The following PDE4D variants were observed in gnomAD, a reference collection of about 807,000 sequenced individuals.
PDE4D encodes phosphodiesterase 4D, also known as 3',5'-cyclic-AMP phosphodiesterase 4D.
Under a neutral mutation model 87.4 loss-of-function variants are expected in PDE4D, and 24 were observed. The observed-to-expected ratio is 0.27, with a 90% CI of 0.20 to 0.39. The LOEUF (loss-of-function observed/expected upper bound fraction) is 0.39. PDE4D is among the 10% of genes least tolerant of loss of function. The pLI is 1.00. For synonymous variants in PDE4D, 384 were observed against 383.2 expected (o/e 1.00, Z -0.02); for missense variants, 714 against 1,041.0 (o/e 0.69, Z 4.32).
At chr5:59,490,940 C>T (rs183420783) in intron 1 of PDE4D, among the ~76,000 whole-genome samples, 2 of 152,106 alleles carry the variant, frequency 1.3e-5, no homozygotes, top group Admixed American at 1.3e-4. Context: ...ATGAGTTCCA[C>T]GATCCACGTA....
chr5:59,435,467 A>C (rs1179253255), intron 1 of PDE4D, among the ~76,000 whole-genome samples: 1 of 152,186 alleles, frequency 6.6e-6, no homozygotes, highest in Non-Finnish European at 1.5e-5. Context: ...CTCTGGCAAG[A>C]ACATTTTTCT....
At chr5:60,348,257 AATGATTCT>A (rs1758895917) in intron 1 of PDE4D, among the ~76,000 whole-genome samples, 1 of 152,080 alleles carries the variant, frequency 6.6e-6, no homozygotes. Flanking sequence ...AACACTCAGC[AATGATTCT>A]ATGATTCCTT....
intron 2 of PDE4D, among the ~76,000 whole-genome samples, chr5:60,011,262 T>C (rs1764995943): frequency 2.0e-5 from 3 of 152,138 alleles, no homozygotes; most frequent in Non-Finnish European, 2.9e-5. Flanking sequence ...AGAAAGGGCA[T>C]GTTCTGCTGA....
intron 2 of PDE4D, among the ~76,000 whole-genome samples, chr5:60,144,386 T>C (rs986905373): frequency 6.6e-6 from 1 of 152,160 alleles, no homozygotes; most frequent in Non-Finnish European, 1.5e-5. Flanking sequence ...AGCATTTCTT[T>C]CTATTGCTCA....
chr5:59,750,225 C>T (rs1023935315), intron 1 of PDE4D, among the ~76,000 whole-genome samples: 3 of 151,844 alleles, frequency 2.0e-5, no homozygotes, highest in African/African-American at 4.8e-5. Context: ...ACACAGGAGC[C>T]GGGATGATTC....
At chr5:60,333,542 G>A (rs1381413224) in intron 1 of PDE4D, among the ~76,000 whole-genome samples, 1 of 152,148 alleles carries the variant, frequency 6.6e-6, no homozygotes, top group Non-Finnish European at 1.5e-5. Context: ...AGGCTCAGAA[G>A]GTTCCAAATA....
chr5:59,064,833 T>C (rs1580606160), intron 5 of PDE4D, among the ~76,000 whole-genome samples: 1 of 152,072 alleles, frequency 6.6e-6, no homozygotes, highest in African/African-American at 2.4e-5. Context: ...ATAGCCTGAC[T>C]TCCAAAAGTA....
intron 3 of PDE4D, among the ~76,000 whole-genome samples, chr5:59,982,366 G>A (rs10044523): frequency 0.36 from 54,195 of 151,960 alleles, 11,279 homozygotes; most frequent in East Asian, 0.73. Context: ...GCAATGAAAT[G>A]TAAGTAGAGA....
intron 1 of PDE4D, among the ~76,000 whole-genome samples, chr5:59,655,496 A>T (rs1354194025): frequency 6.6e-6 from 1 of 152,238 alleles, no homozygotes; most frequent in Non-Finnish European, 1.5e-5. Context: ...AATATTTTAC[A>T]TCCTTGTAAT....
rs569589933 is a variant in PDE4D at position 60,121,582 on chromosome 5, C to T, written c.42+63975G>A. On this transcript the variant is annotated intron_variant, in intron 2 of 16. Coordinates refer to the PDE4D transcript ENST00000502484. ...CATCAGATCTTGTGAGACTTATTCA[C>T]GACCACGAGAACAGTGTGGAGGAAA... Among the ~76,000 whole-genome samples the T allele has an allele frequency of 2.2e-4, 34 of 152,206 alleles. No individual in the cohort carries two copies. The East Asian group carries it at 4.5e-3, about 20-fold the overall frequency.
chr5:60,257,176 CAAAGAAAGAA>C (rs1368018456), intron 1 of PDE4D, among the ~76,000 whole-genome samples: 8 of 119,358 alleles, frequency 6.7e-5, no homozygotes, highest in Non-Finnish European at 1.0e-4. Flanking sequence ...ATTATAGAGT[CAAAGAAAGAA>C]AAAGAAAGAA....
At chr5:59,540,756 A>G (rs1816191998) in intron 1 of PDE4D, among the ~76,000 whole-genome samples, 1 of 152,210 alleles carries the variant, frequency 6.6e-6, no homozygotes, top group African/African-American at 2.4e-5. Flanking sequence ...GATATGAGTA[A>G]GAAATCTTCT....
Position 59,076,433 on chromosome 5 carries a change from T to C in PDE4D, c.809-37462A>G, listed in dbSNP as rs1765690596. On this transcript the variant is annotated intron_variant, in intron 5 of 14. Transcript: ENST00000340635. ...ATACTGGCTATTATACTACGTGAAGTCTTCAGTGACAAAGAGAGAAACAGA... is the reference window on the plus strand; with the variant it reads ...ATACTGGCTATTATACTACGTGAAGCCTTCAGTGACAAAGAGAGAAACAGA... Among the ~76,000 whole-genome samples, 3 of 152,136 alleles carry C rather than the reference T, an allele frequency of 2.0e-5. No individual in the cohort carries two copies. In the South Asian group the frequency reaches 6.2e-4, roughly 31 times the overall value.
intron 1 of PDE4D, among the ~76,000 whole-genome samples, chr5:59,774,175 A>T (rs1763849490): frequency 6.6e-6 from 1 of 152,204 alleles, no homozygotes. Context: ...AACAATATAT[A>T]AAGAGATTTA....
chr5:60,384,009 A>T, intron 1 of PDE4D, among the ~76,000 whole-genome samples: 1 of 152,218 alleles, frequency 6.6e-6, no homozygotes, highest in Non-Finnish European at 1.5e-5. Flanking sequence ...CTTAACCACA[A>T]ATAACTAAAT....
chr5:60,437,759 G>A (rs1322123216), intron 1 of PDE4D, among the ~76,000 whole-genome samples: 1 of 152,104 alleles, frequency 6.6e-6, no homozygotes, highest in Non-Finnish European at 1.5e-5. Context: ...CTTCCATGGT[G>A]AAAGTCTTTC....
At chr5:60,450,679 A>G (rs966150561) in intron 1 of PDE4D, among the ~76,000 whole-genome samples, 5 of 152,146 alleles carry the variant, frequency 3.3e-5, no homozygotes, top group African/African-American at 9.7e-5. Context: ...TACTTCTTCT[A>G]TCTCCCATGA....
At chr5:60,006,661 G>C (rs1444450739) in intron 2 of PDE4D, among the ~76,000 whole-genome samples, 1 of 151,884 alleles carries the variant, frequency 6.6e-6, no homozygotes, top group Admixed American at 6.6e-5. Context: ...GGATATTAAG[G>C]TTATGTGGCA....
chr5:59,946,849 T>C (rs916456788), intron 3 of PDE4D, among the ~76,000 whole-genome samples: 11 of 152,232 alleles, frequency 7.2e-5, no homozygotes, highest in African/African-American at 2.4e-4. Context: ...ATTTTTACCT[T>C]GTATAACCGA....
Sources: gnomAD v4.1 joint callset for allele counts (sites outside exome capture counted in the v4.1 genomes callset) on GRCh38, gnomAD v4.1.1 for gene constraint, MANE v1.5 for transcripts, NCBI Gene and HGNC (gene_info 2026-07-23, HGNC 2026-07-21) for gene names.